BACH1: variants seen among roughly 807,000 people sequenced by gnomAD.
BACH1 encodes BTB domain and CNC homolog 1.
In BACH1, 35 loss-of-function variants were observed where a neutral mutation model predicts 52.9. The observed-to-expected ratio is 0.66, with a 90% confidence interval of 0.51 to 0.88. The LOEUF (loss-of-function observed/expected upper bound fraction) is 0.88, where lower values mean the gene tolerates loss of function less well. Ranked by LOEUF, BACH1 falls within the 40% of genes least tolerant of loss-of-function variation. BACH1 has a pLI of 0.00. For synonymous variants in BACH1, 321 were observed against 319.6 expected, an observed-to-expected ratio of 1.00 and a Z score of -0.05; for missense variants, 808 against 872.6, an observed-to-expected ratio of 0.93 and a Z score of 0.93.
intron 1 of BACH1, among the ~76,000 whole-genome samples, chr21:29,307,668 A>G (rs75259439): frequency 0.023 from 3,454 of 152,304 alleles, 112 homozygotes; most frequent in African/African-American, 0.079. Context: ...AAAGCATAGT[A>G]TATATATAGG....
intron 1 of BACH1, among the ~76,000 whole-genome samples, chr21:29,305,524 A>G: frequency 6.6e-6 from 1 of 152,188 alleles, no homozygotes; most frequent in East Asian, 1.9e-4. Flanking sequence ...CAGGTTGGCA[A>G]CAGTGGTCAC....
chr21:29,350,254 ACT>A (rs1034747503), downstream of BACH1, among the ~76,000 whole-genome samples: 1 of 151,858 alleles, frequency 6.6e-6, no homozygotes, highest in African/African-American at 2.4e-5. Context: ...TACTACCCAA[ACT>A]CTGCTCTTCT....
In BACH1 at chr21:29,351,766, A is replaced by G. The variant is rs762505834; in HGVS notation, c.472+22073A>G. ...GAAGCTTAATGTGGAATCAAGGATG[A>G]AGTTTAACACAGGAATGAGAAGTAG... On this transcript the variant is annotated intron_variant, in intron 2 of 4. Transcript: ENST00000422809. 4 of 534,640 alleles carry G rather than the reference A, an allele frequency of 7.5e-6. No homozygotes were observed. The East Asian group carries it at 2.2e-4, about 29-fold the overall frequency. The allele number at this position is 534,640 out of a possible 1,614,324, so 33.1% of individuals were successfully genotyped here.
At chr21:29,350,522 C>T (rs903536538), downstream of BACH1, among the ~76,000 whole-genome samples, 5 of 152,180 alleles carry the variant, frequency 3.3e-5, no homozygotes, top group Admixed American at 6.5e-5. Context: ...CTTTTCCACC[C>T]TTGGTTTCCA....
In BACH1 at chr21:29,342,317, C is replaced by G. The variant is rs571687242; in HGVS notation, c.1777-82C>G. On this transcript the variant is annotated intron_variant, in intron 4 of 4. Transcript: ENST00000286800. ...ATGTGATCTTACTTGATGAGAAGCCCCTGTATATTATTTGATCGCCTTGGA... is the reference window on the plus strand; with the variant it reads ...ATGTGATCTTACTTGATGAGAAGCCGCTGTATATTATTTGATCGCCTTGGA... The G allele has an allele frequency of 1.3e-5, 17 of 1,328,300 alleles. No homozygotes were observed. The South Asian group carries it at 2.2e-4, about 18-fold the overall frequency. 82.3% of individuals were successfully genotyped at this position (1,328,300 alleles called of 1,614,324 possible).
At chr21:29,309,291 T>C (rs2088694040) in intron 1 of BACH1, among the ~76,000 whole-genome samples, 1 of 151,834 alleles carries the variant, frequency 6.6e-6, no homozygotes, top group African/African-American at 2.4e-5. Flanking sequence ...TCACCAAATA[T>C]TGATTAATAA....
intron 3 of BACH1, among the ~76,000 whole-genome samples, chr21:29,329,105 T>A (rs1601357806): frequency 6.6e-6 from 1 of 152,096 alleles, no homozygotes; most frequent in African/African-American, 2.4e-5. Flanking sequence ...CCCAGGAGTT[T>A]GAGATCAGCT....
chr21:29,349,532 A>G (rs1283191212), downstream of BACH1, among the ~76,000 whole-genome samples: 1 of 152,026 alleles, frequency 6.6e-6, no homozygotes, highest in Non-Finnish European at 1.5e-5. Flanking sequence ...AATTTATTCC[A>G]TGTTGCACCC....
Position 29,325,932 on chromosome 21 carries a change from T to G in BACH1, c.235-127T>G, listed in dbSNP as rs566198504. On this transcript the variant is annotated intron_variant, in intron 2 of 4. Transcript: ENST00000286800. ...TTAGAAGAATATGTTTTCTTCAAAT[T>G]AAAGTACATATTTTATAATTATCAC... The G allele has an allele frequency of 2.6e-5, 26 of 1,005,906 alleles. No individual in the cohort carries two copies. The South Asian group carries it at 5.5e-4, about 21-fold the overall frequency. The allele number at this position is 1,005,906 out of a possible 1,614,324, so 62.3% of individuals were successfully genotyped here.
intron 1 of BACH1, among the ~76,000 whole-genome samples, chr21:29,304,154 A>G (rs1292865563): frequency 7.0e-6 from 1 of 143,428 alleles, no homozygotes; most frequent in Admixed American, 7.1e-5. Flanking sequence ...GAGATGGAGT[A>G]TCACTCTGTC....
At chr21:29,358,759 GA>G (rs371403471) in intron 2 of BACH1, among the ~76,000 whole-genome samples, 1 of 78,542 alleles carries the variant, frequency 1.3e-5, no homozygotes, top group African/African-American at 4.7e-5. Flanking sequence ...GAAAAGAAAA[GA>G]AAAGAAAAGA....
At chr21:29,300,442 C>T (rs1357077614) in intron 1 of BACH1, among the ~76,000 whole-genome samples, 8 of 152,040 alleles carry the variant, frequency 5.3e-5, no homozygotes, top group Admixed American at 5.2e-4. Flanking sequence ...CTGAAGGGGA[C>T]CCAGCTGGGG....
At chr21:29,304,325 A>G (rs2088632502) in intron 1 of BACH1, among the ~76,000 whole-genome samples, 1 of 152,016 alleles carries the variant, frequency 6.6e-6, no homozygotes, top group South Asian at 2.1e-4. Flanking sequence ...GGGTTTCACC[A>G]TGTTGGCCAG....
At chr21:29,323,976 G>A (rs1023269688) in intron 2 of BACH1, among the ~76,000 whole-genome samples, 1 of 152,150 alleles carries the variant, frequency 6.6e-6, no homozygotes, top group Non-Finnish European at 1.5e-5. Flanking sequence ...TAACAGCCGG[G>A]CCCAGTGGCT....
chr21:29,338,995 T>C (rs2089078744), intron 4 of BACH1, among the ~76,000 whole-genome samples: 1 of 152,218 alleles, frequency 6.6e-6, no homozygotes, highest in Non-Finnish European at 1.5e-5. Flanking sequence ...GAGGTTGTCA[T>C]TCGTTTTCCA....
At chr21:29,318,278 T>C (rs1195861481) in intron 1 of BACH1, among the ~76,000 whole-genome samples, 1 of 152,120 alleles carries the variant, frequency 6.6e-6, no homozygotes, top group East Asian at 1.9e-4. Context: ...CTGATGCCGA[T>C]GGAGAGAGGT....
At chr21:29,299,111 C>G (rs1841042806) in intron 1 of BACH1, among the ~76,000 whole-genome samples, 158 bp downstream of exon 1, 1 of 147,496 alleles carries the variant, frequency 6.8e-6, no homozygotes, top group Non-Finnish European at 1.5e-5. Context: ...GGGCACGTAT[C>G]GGGGCCCGCG....
Position 29,321,388 on chromosome 21 carries a change from C to T in BACH1, c.108C>T (p.Val36=). The change falls in exon 2 of 5, where the codon GTC becomes GTT. Residue 36 remains valine, a synonymous_variant. Transcript: ENST00000286800. ...DQRKKDVLCD[V]TIFVEGQRFR... is the part of the protein sequence containing the mutation. The stretch of plus-strand genomic sequence containing the variant: ...GGAAGAAAGATGTGCTGTGCGATGT[C>T]ACCATCTTTGTGGAGGGACAGCGGT... 1 of 1,614,230 alleles carries T rather than the reference C, an allele frequency of 6.2e-7. No homozygotes were observed. The highest frequency in any genetic ancestry group is 8.5e-7 in the Non-Finnish European group (1 of 1,180,040).
chr21:29,358,920 G>T (rs528936852), intron 2 of BACH1: 2 of 151,772 alleles, frequency 1.3e-5, no homozygotes, highest in African/African-American at 2.4e-5. Context: ...TAACACAAGG[G>T]GGGTAGTATT....
Sources: allele counts gnomAD v4.1 joint callset (sites outside exome capture counted in the v4.1 genomes callset), GRCh38; gene constraint gnomAD v4.1.1; transcripts MANE v1.5; gene names NCBI Gene and HGNC (gene_info 2026-07-23, HGNC 2026-07-21).